The following SHROOM3 variants were observed in gnomAD, a reference collection of about 807,000 sequenced individuals.
The protein encoded by SHROOM3 is shroom family member 3, also known as protein Shroom3.
In SHROOM3, 47 loss-of-function variants were observed where a neutral mutation model predicts 138.6. That is an observed-to-expected ratio of 0.34 (90% CI 0.27 to 0.43). The LOEUF (loss-of-function observed/expected upper bound fraction) is 0.43, where lower values mean the gene tolerates loss of function less well. SHROOM3 is among the 20% of genes least tolerant of loss of function. SHROOM3 has a pLI of 1.00. For synonymous variants in SHROOM3, 1,062 were observed against 1,063.3 expected (o/e 1.00, Z 0.02); for missense variants, 2,491 against 2,596.5 (o/e 0.96, Z 0.88).
chr4:76,595,184 A>G (rs890372955), intron 2 of SHROOM3, among the ~76,000 whole-genome samples: 1 of 152,256 alleles, frequency 6.6e-6, no homozygotes, highest in Non-Finnish European at 1.5e-5. Flanking sequence ...CACTTGGAAC[A>G]CTGCCTGACA....
chr4:76,779,222 A>T lies in SHROOM3; in HGVS notation c.*45A>T. ...CCAAAAGATCACTGTTTCTCTCAAC[A>T]CTATTTAATCTGAAAAATGTTTCAG... is the stretch of plus-strand genomic sequence containing the variant. On this transcript the variant is annotated 3_prime_UTR_variant, in exon 11 of 11. Transcript: ENST00000296043. 6.4e-7 allele frequency: 1 copy of T among 1,552,644 alleles called. No individual in the cohort carries two copies. The highest frequency in any genetic ancestry group is 8.7e-7 in the Non-Finnish European group (1 of 1,151,284).
intron 1 of SHROOM3, among the ~76,000 whole-genome samples, chr4:76,475,526 T>G (rs1731467937): frequency 6.6e-6 from 1 of 152,212 alleles, no homozygotes; most frequent in South Asian, 2.1e-4. Flanking sequence ...AGTGGAAGAG[T>G]TAACTAGTTA....
Position 76,738,874 on chromosome 4 carries a change from C to T in SHROOM3, c.701C>T (p.Pro234Leu). 1 of 1,614,236 alleles carries T rather than the reference C, an allele frequency of 6.2e-7. No individual in the cohort carries two copies. Among genetic ancestry groups the T allele is most frequent in the Non-Finnish European group, 8.5e-7 (1 of 1,180,038 alleles). ...ESLEPSGAYP[P>L]CHLSPAKSTG... is the part of the protein sequence containing the mutation. Reference sequence around the variant, plus strand: ...CTGGAGCCCAGTGGGGCATACCCACCCTGTCATCTTTCCCCTGCCAAGTCC... The same window carrying T: ...CTGGAGCCCAGTGGGGCATACCCACTCTGTCATCTTTCCCCTGCCAAGTCC... Residue 234 changes from proline (P) to leucine (L), a missense_variant, in exon 5 of 11, where the codon CCC becomes CTC. This residue lies in a region of SHROOM3 where 284 missense variants were observed against 322.8 expected (regional missense o/e 0.88). Coordinates refer to ENST00000296043, the MANE Select transcript of SHROOM3 (RefSeq NM_020859.4).
Position 76,738,789 on chromosome 4 carries a change from G to T in SHROOM3, c.616G>T (p.Asp206Tyr). The change falls in exon 5 of 11, where the codon GAC (aspartate) becomes TAC (tyrosine). Residue 206 changes from aspartate (D) to tyrosine (Y), a missense_variant. By Grantham distance (160) the Asp-to-Tyr change is radical. Coordinates refer to ENST00000296043, the MANE Select transcript of SHROOM3 (RefSeq NM_020859.4). ...CTCTACTAGTGACCTCTCCAACTAT[G>T]ACCATGCTTATCTAAGGCGGAGCCC... ...SSSTSDLSNY[D>Y]HAYLRRSPDQ... 6.2e-7 allele frequency: 1 copy of T among 1,614,138 alleles called. No homozygotes were observed. Among genetic ancestry groups the T allele is most frequent in the South Asian group, 1.1e-5 (1 of 90,994 alleles).
chr4:76,709,481 A>G (rs2110117073), intron 2 of SHROOM3, among the ~76,000 whole-genome samples: 1 of 151,070 alleles, frequency 6.6e-6, no homozygotes, highest in South Asian at 2.1e-4. Flanking sequence ...GGCGGAACAC[A>G]TTGGCCATGT....
chr4:76,560,610 G>T (rs1412056286), intron 2 of SHROOM3, among the ~76,000 whole-genome samples: 1 of 152,136 alleles, frequency 6.6e-6, no homozygotes, highest in African/African-American at 2.4e-5. Context: ...AAGAAAGCTG[G>T]AGGTGCTATT....
Position 76,544,407 on chromosome 4 carries a change from C to CTTTTTT in SHROOM3, c.169-11180_169-11175dup. ...AAAAAATTTTAAGATAGCTCAATGGCTTTTTTTTTTTTTTTTTTTTTTTTT... is the reference window on the plus strand; with the variant it reads ...AAAAAATTTTAAGATAGCTCAATGGCTTTTTTTTTTTTTTTTTTTTTTTTTTTTTTT... On this transcript the variant is annotated intron_variant, in intron 1 of 10. Transcript: ENST00000296043. Among the ~76,000 whole-genome samples, 53 of 75,868 alleles carry CTTTTTT rather than the reference C, an allele frequency of 7.0e-4. 8 individuals carry two copies. Among genetic ancestry groups the CTTTTTT allele is most frequent in the Non-Finnish European group, 1.2e-3 (42 of 35,736 alleles). The allele number at this position is 75,868 out of a possible 152,430, so 49.8% of individuals were successfully genotyped here.
chr4:76,442,865 C>T (rs560113823), intron 1 of SHROOM3, among the ~76,000 whole-genome samples: 22 of 151,750 alleles, frequency 1.4e-4, no homozygotes, highest in African/African-American at 5.3e-4. Flanking sequence ...TTAAACTATA[C>T]GTAACAATTA....
At position 76,740,371 on chromosome 4, in the gene SHROOM3, C is replaced by T; in HGVS notation, c.2198C>T (p.Ala733Val). 6.2e-7 allele frequency: 1 copy of T among 1,613,092 alleles called. No homozygotes were observed. Among genetic ancestry groups the T allele is most frequent in the Non-Finnish European group, 8.5e-7 (1 of 1,180,018 alleles). ...CCCGAGGGGAGGACCGGTGCCTCGG[C>T]TTCTTTCAACAGCACAGACCCAAGT... ...PRPEGRTGAS[A>V]SFNSTDPSPE... is the part of the protein sequence containing the mutation. The change falls in exon 5 of 11, where the codon GCT becomes GTT. Residue 733 changes from alanine (A) to valine (V), a missense_variant. Transcript: ENST00000296043. The surrounding 1 kb of genome is among the most constrained non-coding windows in gnomAD (Gnocchi z 4.0).
At chr4:76,496,011 G>A (rs1731961044) in intron 1 of SHROOM3, among the ~76,000 whole-genome samples, 1 of 152,220 alleles carries the variant, frequency 6.6e-6, no homozygotes, top group Admixed American at 6.5e-5. Context: ...GTGGACCAAA[G>A]CTGTTCATAC....
chr4:76,579,672 C>T (rs62300916), intron 2 of SHROOM3, among the ~76,000 whole-genome samples: 40,282 of 152,146 alleles, frequency 0.26, 6,734 homozygotes, highest in Middle Eastern at 0.46. Context: ...GCCTTGGGGC[C>T]CCACTGTTTC....
At chr4:76,578,396 G>A (rs183276421) in intron 2 of SHROOM3, among the ~76,000 whole-genome samples, 5 of 152,288 alleles carry the variant, frequency 3.3e-5, no homozygotes, top group East Asian at 1.9e-4. Context: ...TATGGTAACC[G>A]CACAGGAGAT....
At chr4:76,539,380 GAT>G (rs1733050797) in intron 1 of SHROOM3, among the ~76,000 whole-genome samples, 1 of 152,148 alleles carries the variant, frequency 6.6e-6, no homozygotes, top group Non-Finnish European at 1.5e-5. Context: ...CCAACTTCCA[GAT>G]TGGCATAGAG....
chr4:76,604,105 G>A (rs1162667601), intron 2 of SHROOM3, among the ~76,000 whole-genome samples: 1 of 152,044 alleles, frequency 6.6e-6, no homozygotes, highest in Admixed American at 6.5e-5. Flanking sequence ...GATTACAGGC[G>A]TGAGCCACTG....
intron 2 of SHROOM3, among the ~76,000 whole-genome samples, chr4:76,567,108 C>T (rs934283643): frequency 1.3e-4 from 20 of 152,156 alleles, no homozygotes; most frequent in African/African-American, 4.8e-4. Flanking sequence ...TCTGATGCTG[C>T]GTTTGCTTAG....
intron 2 of SHROOM3, among the ~76,000 whole-genome samples, chr4:76,581,639 C>T (rs1560553293): frequency 6.6e-6 from 1 of 152,168 alleles, no homozygotes; most frequent in Non-Finnish European, 1.5e-5. Context: ...GTCTGCTTCC[C>T]TTACAGCATT....
intron 5 of SHROOM3, among the ~76,000 whole-genome samples, chr4:76,743,029 C>T (rs1395339122): frequency 6.6e-6 from 1 of 152,166 alleles, no homozygotes; most frequent in African/African-American, 2.4e-5. Flanking sequence ...ATGTATAAAT[C>T]TAATATGACT....
chr4:76,679,067 C>T (rs1196855832), intron 2 of SHROOM3, among the ~76,000 whole-genome samples: 2 of 152,186 alleles, frequency 1.3e-5, no homozygotes, highest in African/African-American at 4.8e-5. Context: ...CGAAGCTGCT[C>T]TTAACAATAA....
At chr4:76,633,290 G>C (rs1735378561) in intron 2 of SHROOM3, among the ~76,000 whole-genome samples, 1 of 139,308 alleles carries the variant, frequency 7.2e-6, no homozygotes, top group African/African-American at 2.7e-5. Flanking sequence ...GCAGTGGAGG[G>C]ACACTGCACT....
Sources: gnomAD v4.1 joint callset for allele counts (sites outside exome capture counted in the v4.1 genomes callset) on GRCh38, gnomAD v4.1.1 for gene constraint, gnomAD v4.1.1 regional missense constraint, Gnocchi (gnomAD v3.1) non-coding constraint, MANE v1.5 for transcripts, NCBI Gene and HGNC (gene_info 2026-07-23, HGNC 2026-07-21) for gene names.